The following MTA3 variants were observed in gnomAD, a reference collection of about 807,000 sequenced individuals.
MTA3 encodes the protein metastasis-associated protein MTA3.
In MTA3, 34 loss-of-function variants were observed where a neutral mutation model predicts 83.5. That is an observed-to-expected ratio of 0.41 (90% CI 0.31 to 0.54). MTA3 has a LOEUF of 0.54. MTA3 is among the 20% of genes least tolerant of loss of function. The pLI is 0.33. For synonymous variants in MTA3, 303 were observed against 252.7 expected (o/e 1.20, Z -1.89); for missense variants, 761 against 726.4 (o/e 1.05, Z -0.55).
rs575429267 is a variant in MTA3, at chr2:42,700,636, G to A, written c.1025+2802G>A. 2.0e-5 allele frequency among the ~76,000 whole-genome samples: 3 copies of A among 152,120 alleles called. No homozygotes were observed. In the East Asian group the frequency reaches 5.8e-4, roughly 29 times the overall value. On this transcript the variant is annotated intron_variant, in intron 11 of 16. Coordinates refer to ENST00000405094, the MANE Select transcript of MTA3 (RefSeq NM_001330442.2). Reference sequence around the variant, plus strand: ...TTTTCATATTTCTGGTAAACCTCTGGCCAGTCATTTGACCCCAAGGGGAAA... The same window carrying A: ...TTTTCATATTTCTGGTAAACCTCTGACCAGTCATTTGACCCCAAGGGGAAA...
rs1472332489 is a variant in MTA3, at chr2:42,682,579, G to A, written c.881G>A (p.Arg294Gln). Residue 294 changes from arginine (R) to glutamine (Q), a missense_variant, in exon 9 of 17, where the codon CGG (arginine) becomes CAG (glutamine). Arg to Gln is a conservative substitution (Grantham distance 43). Coordinates refer to ENST00000405094, the MANE Select transcript of MTA3 (RefSeq NM_001330442.2). ...EKYGKDFNDIRQDFLPWKSLT... is the reference protein window; with the variant it reads ...EKYGKDFNDIQQDFLPWKSLT... ...TATGGCAAAGACTTCAATGACATAC[G>A]GCAAGATTTTGTAAGTAGAAAATTA... is the stretch of plus-strand genomic sequence containing the variant. 3 of 1,609,754 alleles carry A rather than the reference G, an allele frequency of 1.9e-6. No homozygotes were observed. The highest frequency in any genetic ancestry group is 2.5e-6 in the Non-Finnish European group (3 of 1,178,012).
chr2:42,698,575 T>C (rs1693593574), intron 11 of MTA3: 5 of 152,208 alleles, frequency 3.3e-5, no homozygotes. Context: ...GCACCACGTG[T>C]ATATTGTTCT....
At chr2:42,521,496 A>G (rs1237278041) in intron 2 of MTA3, among the ~76,000 whole-genome samples, 1 of 152,230 alleles carries the variant, frequency 6.6e-6, no homozygotes, top group African/African-American at 2.4e-5. Context: ...TCACATAACA[A>G]TAGATAACTA....
intron 6 of MTA3, among the ~76,000 whole-genome samples, chr2:42,649,169 C>T (rs1280664977): frequency 6.6e-6 from 1 of 152,026 alleles, no homozygotes; most frequent in Non-Finnish European, 1.5e-5. Flanking sequence ...CTGAGGCCGG[C>T]AGATCATTTG....
chr2:42,628,857 A>C (rs2104242969), intron 4 of MTA3, among the ~76,000 whole-genome samples: 2 of 150,790 alleles, frequency 1.3e-5, no homozygotes, highest in Non-Finnish European at 2.9e-5. Flanking sequence ...CCTATGTGTC[A>C]GAAACAAATA....
chr2:42,667,079 C>T (rs1212357244), intron 8 of MTA3, among the ~76,000 whole-genome samples: 11 of 152,110 alleles, frequency 7.2e-5, no homozygotes, highest in Non-Finnish European at 1.5e-5. Context: ...CCACATACCC[C>T]TCATCCTTTT....
chr2:42,754,837 G>C lies in MTA3; in HGVS notation c.*1438G>C, dbSNP rs1394637024. Reference sequence around the variant, plus strand: ...TGATGCTGTAGATGTCTGTGTCCTCGGAGGCTGAGCTCCGCTTGGCAGAGA... The same window carrying C: ...TGATGCTGTAGATGTCTGTGTCCTCCGAGGCTGAGCTCCGCTTGGCAGAGA... On this transcript the variant is annotated 3_prime_UTR_variant, in exon 17 of 17. Coordinates refer to ENST00000405094, the MANE Select transcript of MTA3 (RefSeq NM_001330442.2). 1 of 985,498 alleles carries C rather than the reference G, an allele frequency of 1.0e-6. No individual in the cohort carries two copies. The highest frequency in any genetic ancestry group is 1.2e-6 in the Non-Finnish European group (1 of 829,978). The allele number at this position is 985,498 out of a possible 1,614,324, so 61.0% of individuals were successfully genotyped here. A position where few individuals can be genotyped will look rare whatever the true frequency, so the allele number is the denominator to read the frequency against.
intron 16 of MTA3, among the ~76,000 whole-genome samples, chr2:42,745,000 C>G (rs1012803393): frequency 1.3e-5 from 2 of 152,190 alleles, no homozygotes; most frequent in African/African-American, 4.8e-5. Context: ...TCATTTGAAG[C>G]TTCTCAGCCC....
chr2:42,613,338 T>G (rs952613835), intron 4 of MTA3, among the ~76,000 whole-genome samples: 1 of 152,194 alleles, frequency 6.6e-6, no homozygotes, highest in East Asian at 1.9e-4. Flanking sequence ...TTTGTTTTTT[T>G]CCAAATTGAG....
chr2:42,733,194 GA>G (rs1344114795), intron 16 of MTA3, among the ~76,000 whole-genome samples: 2 of 152,172 alleles, frequency 1.3e-5, no homozygotes, highest in Non-Finnish European at 2.9e-5. Context: ...GGAAGAAAAA[GA>G]GGTTTAATTG....
intron 2 of MTA3, among the ~76,000 whole-genome samples, chr2:42,563,401 T>C (rs112810446): frequency 1.8e-4 from 27 of 152,154 alleles, no homozygotes; most frequent in Non-Finnish European, 1.9e-4. Flanking sequence ...ACTACTGACT[T>C]CAGGTGATTC....
At chr2:42,644,716 C>A (rs1688012467) in intron 6 of MTA3, among the ~76,000 whole-genome samples, 1 of 152,124 alleles carries the variant, frequency 6.6e-6, no homozygotes, top group Non-Finnish European at 1.5e-5. Context: ...CAAACCTTTT[C>A]ATTATTATAA....
chr2:42,613,499 T>C (rs1441340866), intron 4 of MTA3, among the ~76,000 whole-genome samples: 1 of 152,174 alleles, frequency 6.6e-6, no homozygotes, highest in East Asian at 1.9e-4. Context: ...CACATTGGAG[T>C]GGTCTTGACA....
At chr2:42,718,901 C>T (rs1667218462) in intron 14 of MTA3, 87 bp from the exon 15 acceptor site, 1 of 1,004,420 alleles carries the variant, frequency 1.0e-6, no homozygotes, top group South Asian at 1.5e-5. Flanking sequence ...TACTGTTTTC[C>T]ACTTGTACCT....
At chr2:42,753,294 G>T in intron 16 of MTA3, 80 bp from the exon 17 acceptor site, 1 of 1,545,944 alleles carries the variant, frequency 6.5e-7, no homozygotes, top group South Asian at 1.2e-5. Flanking sequence ...ATGTTGGGAG[G>T]GGTGAGTCCA....
chr2:42,537,785 C>G (rs1179082025), intron 2 of MTA3, among the ~76,000 whole-genome samples: 1 of 152,078 alleles, frequency 6.6e-6, no homozygotes, highest in African/African-American at 2.4e-5. Flanking sequence ...TTGGATGAAA[C>G]TATGGAATGT....
chr2:42,670,424 A>G (rs1264259014), intron 8 of MTA3, among the ~76,000 whole-genome samples: 1 of 152,220 alleles, frequency 6.6e-6, no homozygotes, highest in Non-Finnish European at 1.5e-5. Context: ...AATTTAGTTT[A>G]AGCATCTAAT....
intron 9 of MTA3, 51 bp from the exon 10 acceptor site, chr2:42,695,703 TATTTTCATCTC>T (rs1693331215): frequency 1.0e-6 from 1 of 954,902 alleles, no homozygotes; most frequent in Non-Finnish European, 1.5e-6. Context: ...TATAGTAGCT[TATTTTCATCTC>T]ATTTTATTAT....
intron 9 of MTA3, among the ~76,000 whole-genome samples, chr2:42,694,229 G>C (rs1036929057): frequency 2.0e-5 from 3 of 152,130 alleles, no homozygotes; most frequent in African/African-American, 7.2e-5. Context: ...TTTGGGAGAG[G>C]GGTGGTGCAA....
Sources: allele counts gnomAD v4.1 joint callset (sites outside exome capture counted in the v4.1 genomes callset), GRCh38; gene constraint gnomAD v4.1.1; transcripts MANE v1.5; gene names NCBI Gene and HGNC (gene_info 2026-07-23, HGNC 2026-07-21).